CBFA2T2: variants seen among roughly 807,000 people sequenced by gnomAD.
The protein encoded by CBFA2T2 is CBFA2/RUNX1 partner transcriptional co-repressor 2, also known as protein CBFA2T2.
A neutral mutation model predicts 62.2 loss-of-function variants in CBFA2T2; 11 were observed. That is an observed-to-expected ratio of 0.18 (90% CI 0.11 to 0.29). The LOEUF (loss-of-function observed/expected upper bound fraction) is 0.29. CBFA2T2 is among the 10% of genes least tolerant of loss of function. The pLI, the probability that CBFA2T2 is intolerant of heterozygous loss-of-function variation, is 1.00. For synonymous variants in CBFA2T2, 295 were observed against 287.5 expected (o/e 1.03, Z -0.27); for missense variants, 592 against 774.1 (o/e 0.76, Z 2.79).
intron 1 of CBFA2T2, among the ~76,000 whole-genome samples, chr20:33,554,972 T>G (rs1370737900): frequency 1.3e-5 from 2 of 152,204 alleles, no homozygotes; most frequent in East Asian, 3.8e-4. Context: ...AGACAGACAT[T>G]TAGCAGAATT....
Position 33,611,172 on chromosome 20 carries a change from C to T in CBFA2T2, c.257C>T (p.Ala86Val). The change falls in exon 3 of 11, where the codon GCC becomes GTC. Residue 86 changes from alanine (A) to valine (V), a missense_variant. By Grantham distance (64) the Ala-to-Val change is moderately conservative. Transcript: ENST00000342704. ...CCACAGAGATTCAGCAATGGTCCTG[C>T]CTCCTCCACATCATCTGCACTCACA... ...SPPQRFSNGPASSTSSALTNQ... is the reference protein window; with the variant it reads ...SPPQRFSNGPVSSTSSALTNQ... The T allele has an allele frequency of 6.2e-7, 1 of 1,614,192 alleles. No homozygotes were observed.
intron 3 of CBFA2T2, among the ~76,000 whole-genome samples, chr20:33,615,752 A>G (rs1601070530): frequency 6.6e-6 from 1 of 152,054 alleles, no homozygotes; most frequent in Non-Finnish European, 1.5e-5. Flanking sequence ...TTAAAAAAAA[A>G]AGAGAGAGAG....
chr20:33,628,049 A>C (rs2016309930), intron 6 of CBFA2T2, among the ~76,000 whole-genome samples: 1 of 152,170 alleles, frequency 6.6e-6, no homozygotes, highest in Non-Finnish European at 1.5e-5. Flanking sequence ...CTGACATTTT[A>C]ATTTTTTCCA....
At chr20:33,635,827 G>A (rs1266757575) in intron 8 of CBFA2T2, among the ~76,000 whole-genome samples, 2 of 152,068 alleles carry the variant, frequency 1.3e-5, no homozygotes, top group African/African-American at 2.4e-5. Context: ...GTGAGCCAGT[G>A]ATCAGCTGTG....
At chr20:33,566,249 T>G (rs1283961011) in intron 1 of CBFA2T2, among the ~76,000 whole-genome samples, 1 of 152,122 alleles carries the variant, frequency 6.6e-6, no homozygotes, top group Non-Finnish European at 1.5e-5. Flanking sequence ...AATTGCCTGT[T>G]GTATGTGATA....
intron 1 of CBFA2T2, among the ~76,000 whole-genome samples, chr20:33,515,350 CA>C (rs11371940): frequency 3.2e-4 from 26 of 82,020 alleles, no homozygotes; most frequent in African/African-American, 8.5e-4. Context: ...GACTCCATCT[CA>C]AAAAAAAAAA....
intron 1 of CBFA2T2, among the ~76,000 whole-genome samples, chr20:33,584,083 G>T (rs915006233): frequency 2.4e-4 from 36 of 151,880 alleles, no homozygotes; most frequent in African/African-American, 8.5e-4. Context: ...GAGTAGCTGG[G>T]ACTACAGGTG....
At chr20:33,585,741 C>T (rs895157797) in intron 1 of CBFA2T2, among the ~76,000 whole-genome samples, 3 of 152,148 alleles carry the variant, frequency 2.0e-5, no homozygotes, top group African/African-American at 7.2e-5. Context: ...TAATTGGATA[C>T]TGGAACTAAT....
intron 8 of CBFA2T2, among the ~76,000 whole-genome samples, chr20:33,635,209 T>C (rs985822325): frequency 2.0e-5 from 3 of 152,242 alleles, no homozygotes; most frequent in South Asian, 4.1e-4. Flanking sequence ...AAAATTATTT[T>C]AATTTAGAAT....
At chr20:33,586,057 A>G (rs1311464224) in intron 1 of CBFA2T2, among the ~76,000 whole-genome samples, 2 of 152,226 alleles carry the variant, frequency 1.3e-5, no homozygotes, top group Non-Finnish European at 2.9e-5. Flanking sequence ...TGTCTCTAAA[A>G]AGGTAGCTAA....
At chr20:33,608,501 G>A (rs949041717) in intron 2 of CBFA2T2, among the ~76,000 whole-genome samples, 9 of 152,216 alleles carry the variant, frequency 5.9e-5, no homozygotes, top group African/African-American at 1.9e-4. Flanking sequence ...ATTTGAAATG[G>A]AGTAGCTGGT....
intron 1 of CBFA2T2, among the ~76,000 whole-genome samples, chr20:33,508,386 C>T (rs1262030111): frequency 6.6e-6 from 1 of 152,098 alleles, no homozygotes; most frequent in African/African-American, 2.4e-5. Context: ...TGAGCTACTG[C>T]ACCCCGCCTG....
rs2015520643 is a variant in CBFA2T2 at position 33,611,330 on chromosome 20, C to T, written c.415C>T (p.Leu139=). The part of the protein sequence containing the change: ...GEKVRTLVLA[L]VNSTVTIEEF... ...GAAGGTGCGGACTCTTGTTCTTGCA[C>T]TGGTGGTAAGTACAGCCTCACTGTT... Residue 139 remains leucine (L), a synonymous_variant, in exon 3 of 11, where the codon CTG becomes TTG. Transcript: ENST00000342704. The T allele has an allele frequency of 1.2e-6, 2 of 1,614,050 alleles. No individual in the cohort carries two copies. The highest frequency in any genetic ancestry group is 2.7e-5 in the African/African-American group (2 of 75,068).
intron 1 of CBFA2T2, among the ~76,000 whole-genome samples, chr20:33,515,909 G>C (rs2011592868): frequency 6.6e-6 from 1 of 151,768 alleles, no homozygotes; most frequent in Non-Finnish European, 1.5e-5. Context: ...TGTAATCCCA[G>C]CCCTTTGGGA....
At chr20:33,592,208 C>G (rs1437641787) in intron 1 of CBFA2T2, among the ~76,000 whole-genome samples, 1 of 151,740 alleles carries the variant, frequency 6.6e-6, no homozygotes, top group African/African-American at 2.4e-5. Flanking sequence ...ACTGAAAATA[C>G]AAAAATTAGC....
intron 1 of CBFA2T2, among the ~76,000 whole-genome samples, chr20:33,518,576 A>G (rs1205615485): frequency 6.6e-6 from 1 of 151,144 alleles, no homozygotes; most frequent in African/African-American, 2.4e-5. Flanking sequence ...CAGCCTGATG[A>G]ACATGAAGAA....
rs562274174 is a variant in CBFA2T2 at position 33,536,261 on chromosome 20, C to T, written c.34+45960C>T. 3.5e-4 allele frequency among the ~76,000 whole-genome samples: 52 copies of T among 147,134 alleles called. 1 individual carries two copies. In the East Asian group the frequency reaches 9.5e-3, roughly 27 times the overall value. On this transcript the variant is annotated intron_variant, in intron 1 of 10. Transcript: ENST00000342704. ...GTAGGGGCGGCCGGGCAGAGGCGCC[C>T]CTCATCTCCCAGACGGGGCGGCTGG...
chr20:33,539,688 T>TG (rs560103102), intron 1 of CBFA2T2, among the ~76,000 whole-genome samples: 1 of 110,284 alleles, frequency 9.1e-6, no homozygotes, highest in Non-Finnish European at 2.2e-5. Flanking sequence ...GTTTTTTGTG[T>TG]TTTTTTTTTT....
chr20:33,566,263 T>C (rs1354117363), intron 1 of CBFA2T2, among the ~76,000 whole-genome samples: 1 of 152,058 alleles, frequency 6.6e-6, no homozygotes, highest in Non-Finnish European at 1.5e-5. Flanking sequence ...TGTGATAATA[T>C]GGTAAGGGAT....
Sources: allele counts gnomAD v4.1 joint callset (sites outside exome capture counted in the v4.1 genomes callset), GRCh38; gene constraint gnomAD v4.1.1; transcripts MANE v1.5; gene names NCBI Gene and HGNC (gene_info 2026-07-23, HGNC 2026-07-21).